Variants in C12orf56 observed in about 807,000 individuals in gnomAD.
The protein encoded by C12orf56 is chromosome 12 open reading frame 56.
C12orf56 carries 71 observed loss-of-function variants against 69.9 expected under a neutral mutation model. The ratio of observed to expected loss-of-function variants is 1.02; its 90% confidence interval spans 0.84 to 1.24. The LOEUF is 1.24. Ranked by LOEUF, C12orf56 falls within the 50% of genes most tolerant of loss-of-function variation. C12orf56 has a pLI of 0.00. For missense variants in C12orf56, 732 were observed against 738.5 expected (o/e 0.99, Z 0.10); for synonymous variants, 276 against 274.1 (o/e 1.01, Z -0.07).
intron 5 of C12orf56, among the ~76,000 whole-genome samples, chr12:64,304,073 T>G (rs762421563): frequency 2.0e-5 from 3 of 152,170 alleles, no homozygotes; most frequent in Non-Finnish European, 4.4e-5. Context: ...TTTACCATAA[T>G]CCATGAGCCT....
intron 5 of C12orf56, among the ~76,000 whole-genome samples, chr12:64,309,253 A>G (rs753275383): frequency 6.6e-6 from 1 of 152,144 alleles, no homozygotes; most frequent in Admixed American, 6.5e-5. Context: ...CATCTTTCCA[A>G]ACAGAAATTC....
chr12:64,384,300 A>T (rs1026952276), intron 1 of C12orf56, among the ~76,000 whole-genome samples: 3 of 152,162 alleles, frequency 2.0e-5, no homozygotes, highest in African/African-American at 7.2e-5. Context: ...GCAAAATCAG[A>T]AGACAGTATT....
At chr12:64,278,732 GACC>G (rs1028593969) in intron 8 of C12orf56, among the ~76,000 whole-genome samples, 3 of 151,986 alleles carry the variant, frequency 2.0e-5, no homozygotes, top group Admixed American at 1.3e-4. Context: ...TGTACCCTTT[GACC>G]AACATCTCCC....
chr12:64,358,926 T>C (rs2039360120), intron 1 of C12orf56, among the ~76,000 whole-genome samples: 1 of 152,132 alleles, frequency 6.6e-6, no homozygotes, highest in African/African-American at 2.4e-5. Flanking sequence ...GAAAGGAAGG[T>C]GGTTTCTTCT....
At position 64,270,953 on chromosome 12, in the gene C12orf56, G is replaced by T. The variant is rs530288094; in HGVS notation, c.1585-239C>A. Among the ~76,000 whole-genome samples, 30 of 151,956 alleles carry T rather than the reference G, an allele frequency of 2.0e-4. No homozygotes were observed. In the South Asian group the frequency reaches 5.4e-3, roughly 27 times the overall value. ...GAGACCAAGGCAGGTGGATCACGAGGTCAGGAGTTCGAGATCAGCCTGACC... is the reference window on the plus strand; with the variant it reads ...GAGACCAAGGCAGGTGGATCACGAGTTCAGGAGTTCGAGATCAGCCTGACC... On this transcript the variant is annotated intron_variant, in intron 11 of 12. Coordinates refer to ENST00000543942, the MANE Select transcript of C12orf56 (RefSeq NM_001170633.2).
intron 2 of C12orf56, among the ~76,000 whole-genome samples, chr12:64,336,877 G>A (rs2039003755): frequency 6.6e-6 from 1 of 152,088 alleles, no homozygotes; most frequent in South Asian, 2.1e-4. Context: ...CTTAAGGGCC[G>A]ACTTCATTAA....
At chr12:64,376,082 C>T (rs1409219790) in intron 1 of C12orf56, among the ~76,000 whole-genome samples, 6 of 152,170 alleles carry the variant, frequency 3.9e-5, no homozygotes, top group Non-Finnish European at 7.3e-5. Context: ...AACTGCAACG[C>T]CTGCAGCCAA....
At chr12:64,273,576 G>C (rs947409554) in intron 11 of C12orf56, among the ~76,000 whole-genome samples, 2 of 152,202 alleles carry the variant, frequency 1.3e-5, no homozygotes, top group Non-Finnish European at 2.9e-5. Context: ...TATCAGTCGT[G>C]ATGGACTAGA....
chr12:64,329,563 A>C (rs568303083), intron 3 of C12orf56, among the ~76,000 whole-genome samples: 2 of 151,300 alleles, frequency 1.3e-5, no homozygotes, highest in South Asian at 2.1e-4. Flanking sequence ...TTTAGGGTAC[A>C]TGTGCACATT....
At chr12:64,328,727 A>G (rs55992405) in intron 3 of C12orf56, among the ~76,000 whole-genome samples, 19,119 of 95,230 alleles carry the variant, frequency 0.2, 3,395 homozygotes, top group East Asian at 0.51. Context: ...ATATATATAT[A>G]TATATATATA....
At chr12:64,323,986 C>G (rs1592453493) in intron 3 of C12orf56, among the ~76,000 whole-genome samples, 1 of 152,232 alleles carries the variant, frequency 6.6e-6, no homozygotes, top group South Asian at 2.1e-4. Flanking sequence ...TTACAAAGAC[C>G]ATGTTAAGAA....
intron 2 of C12orf56, among the ~76,000 whole-genome samples, chr12:64,344,857 G>T (rs2039119874): frequency 6.6e-6 from 1 of 152,098 alleles, no homozygotes; most frequent in Non-Finnish European, 1.5e-5. Context: ...GGGAGATGAG[G>T]CATTTCCGGC....
At chr12:64,301,444 C>T (rs2038444994) in intron 6 of C12orf56, among the ~76,000 whole-genome samples, 4 of 152,160 alleles carry the variant, frequency 2.6e-5, no homozygotes. Context: ...CCCCAAACCT[C>T]CGTGATTTAG....
chr12:64,334,791 A>G (rs969667172), intron 2 of C12orf56, among the ~76,000 whole-genome samples: 1 of 152,296 alleles, frequency 6.6e-6, no homozygotes, highest in African/African-American at 2.4e-5. Flanking sequence ...CTATGTTTCA[A>G]TCTAGTTGGG....
At chr12:64,313,274 A>AAAAAAAAAAAAAGAAAGAAAGAAAGAAAG (rs762664621) in intron 4 of C12orf56, among the ~76,000 whole-genome samples, 1 of 81,426 alleles carries the variant, frequency 1.2e-5, no homozygotes, top group Non-Finnish European at 2.3e-5. Context: ...AAAAAAAAAA[A>AAAAAAAAAAAAAGAAAGAAAGAAAGAAAG]AAAGAAAGAA....
At chr12:64,342,400 G>A (rs1029163885) in intron 2 of C12orf56, among the ~76,000 whole-genome samples, 6 of 152,212 alleles carry the variant, frequency 3.9e-5, no homozygotes, top group African/African-American at 1.4e-4. Context: ...CTTTCGGGTG[G>A]TGCCTGCATA....
intron 2 of C12orf56, among the ~76,000 whole-genome samples, chr12:64,349,801 A>C (rs11613091): frequency 6.6e-6 from 1 of 152,038 alleles, no homozygotes; most frequent in Non-Finnish European, 1.5e-5. Flanking sequence ...AGGCATAAGA[A>C]TGATATAATG....
At chr12:64,268,140 C>A (rs2037938135) in intron 12 of C12orf56, among the ~76,000 whole-genome samples, 1 of 152,214 alleles carries the variant, frequency 6.6e-6, no homozygotes, top group South Asian at 2.1e-4. Flanking sequence ...TCAGATAATT[C>A]CAATGCAATG....
At chr12:64,326,905 T>A (rs7131757) in intron 3 of C12orf56, among the ~76,000 whole-genome samples, 68,266 of 152,030 alleles carry the variant, frequency 0.45, 15,696 homozygotes, top group African/African-American at 0.54. Context: ...CAGTATTGAG[T>A]GGTGAGACCT....
Sources: gnomAD v4.1 joint callset for allele counts (sites outside exome capture counted in the v4.1 genomes callset) on GRCh38, gnomAD v4.1.1 for gene constraint, MANE v1.5 for transcripts, NCBI Gene and HGNC (gene_info 2026-07-23, HGNC 2026-07-21) for gene names.